The following ANKRD24 variants were observed in gnomAD, a reference collection of about 807,000 sequenced individuals.
ANKRD24 encodes ankyrin repeat domain 24, also known as ankyrin repeat domain-containing protein 24.
In ANKRD24, 109 loss-of-function variants were observed where a neutral mutation model predicts 127.8. That is an observed-to-expected ratio of 0.85 (90% CI 0.73 to 1.00). The LOEUF (loss-of-function observed/expected upper bound fraction) is 1.00, where lower values mean the gene tolerates loss of function less well. Ranked by LOEUF, ANKRD24 falls within the 50% of genes least tolerant of loss-of-function variation. The pLI is 0.00. For synonymous variants in ANKRD24, 743 were observed against 671.1 expected, an observed-to-expected ratio of 1.11 and a Z score of -1.66; for missense variants, 1,648 against 1,570.2, an observed-to-expected ratio of 1.05 and a Z score of -0.84.
Position 4,207,494 on chromosome 19 carries a change from C to G in ANKRD24, c.538-7C>G, listed in dbSNP as rs753000485. 6.2e-7 allele frequency: 1 copy of G among 1,613,442 alleles called. No homozygotes were observed. The highest frequency in any genetic ancestry group is 1.3e-5 in the African/African-American group (1 of 75,010). On this transcript the variant is annotated splice_polypyrimidine_tract_variant and splice_region_variant and intron_variant, in intron 8 of 21. Transcript: ENST00000318934. ...CATGCCATCGCATCCCTCCTCCTCC[C>G]TACCAGTCAGGCGCAACACCCCTCA...
At chr19:4,210,856 G>A (rs1245285974) in intron 13 of ANKRD24, among the ~76,000 whole-genome samples, 3 of 140,912 alleles carry the variant, frequency 2.1e-5, no homozygotes, top group Non-Finnish European at 4.5e-5. Context: ...TTTTTGAGAC[G>A]GAGTCTCGCT....
chr19:4,216,073 A>G, intron 16 of ANKRD24, 23 bp downstream of exon 16: 1 of 1,572,798 alleles, frequency 6.4e-7, no homozygotes, highest in Non-Finnish European at 8.6e-7. Context: ...CTCCCCACGC[A>G]CTCCCAGCCG....
chr19:4,194,051 T>C (rs1422439892), intron 2 of ANKRD24, among the ~76,000 whole-genome samples: 1 of 115,290 alleles, frequency 8.7e-6, no homozygotes, highest in Admixed American at 8.4e-5. Flanking sequence ...AGCCTTTGAC[T>C]GTCTACACTT....
Position 4,216,924 on chromosome 19 carries a change from A to G in ANKRD24, c.1764A>G (p.Gly588=). ...AGGCCACGGGAGCCGAGGCCACGGG[A>G]GCTGAGGCCACAGGAGCCAAGGTCA... is the stretch of plus-strand genomic sequence containing the variant. ...EAEATGAEAT[G]AEATGAKVTE... The change falls in exon 18 of 22, where the codon GGA becomes GGG. Residue 588 remains glycine (G), a synonymous_variant. Transcript: ENST00000318934. 6.2e-7 allele frequency: 1 copy of G among 1,610,066 alleles called. No homozygotes were observed. The highest frequency in any genetic ancestry group is 1.1e-5 in the South Asian group (1 of 90,536).
chr19:4,217,658 G>C lies in ANKRD24; in HGVS notation c.2498G>C (p.Arg833Pro). ...LLAEEEARGLRAELAQREEAR... is the reference protein window; with the variant it reads ...LLAEEEARGLPAELAQREEAR... ...GCGGAGGAGGAGGCGCGGGGCCTGCGGGCCGAGCTGGCCCAGCGGGAGGAG... is the reference window on the plus strand; with the variant it reads ...GCGGAGGAGGAGGCGCGGGGCCTGCCGGCCGAGCTGGCCCAGCGGGAGGAG... The change falls in exon 18 of 22, where the codon CGG becomes CCG. Residue 833 changes from arginine (R) to proline (P), a missense_variant. Coordinates refer to ENST00000318934, the MANE Select transcript of ANKRD24 (RefSeq NM_001393985.1). 4 of 1,283,746 alleles carry C rather than the reference G, an allele frequency of 3.1e-6. No homozygotes were observed. Among genetic ancestry groups the C allele is most frequent in the Non-Finnish European group, 3.9e-6 (4 of 1,018,888 alleles). The allele number at this position is 1,283,746 out of a possible 1,614,324, so 79.5% of individuals were successfully genotyped here. A position where few individuals can be genotyped will look rare whatever the true frequency, so the allele number is the denominator to read the frequency against.
At chr19:4,192,094 C>G (rs950259002) in intron 2 of ANKRD24, among the ~76,000 whole-genome samples, 1 of 150,138 alleles carries the variant, frequency 6.7e-6, no homozygotes, top group African/African-American at 2.4e-5. Flanking sequence ...CAACCAACAC[C>G]GTTTCTTTCT....
intron 20 of ANKRD24, among the ~76,000 whole-genome samples, chr19:4,223,834 G>A (rs1006969537): frequency 6.6e-6 from 1 of 152,014 alleles, no homozygotes; most frequent in Non-Finnish European, 1.5e-5. Context: ...AAAGTGCTGG[G>A]ATTACAGGTG....
Position 4,217,362 on chromosome 19 carries a change from G to A in ANKRD24, c.2202G>A (p.Glu734=). ...ELETRIRGLE[E]ALRQREREAA... is the part of the protein sequence containing the mutation. Reference sequence around the variant, plus strand: ...AGACCAGGATCCGTGGCTTGGAGGAGGCTCTCCGGCAGCGGGAGCGGGAGG... The same window carrying A: ...AGACCAGGATCCGTGGCTTGGAGGAAGCTCTCCGGCAGCGGGAGCGGGAGG... The change falls in exon 18 of 22, where the codon GAG becomes GAA. Residue 734 remains glutamate (E), a synonymous_variant. Coordinates refer to ENST00000318934, the MANE Select transcript of ANKRD24 (RefSeq NM_001393985.1). 3.9e-6 allele frequency: 6 copies of A among 1,551,220 alleles called. No homozygotes were observed. Among genetic ancestry groups the A allele is most frequent in the Non-Finnish European group, 5.2e-6 (6 of 1,147,012 alleles).
intron 2 of ANKRD24, among the ~76,000 whole-genome samples, chr19:4,193,050 C>T (rs567348654): frequency 6.6e-6 from 1 of 152,048 alleles, no homozygotes; most frequent in South Asian, 2.1e-4. Flanking sequence ...CCTGTAATCC[C>T]AGCACTTTGG....
At chr19:4,205,374 C>A (rs549991168) in intron 7 of ANKRD24, among the ~76,000 whole-genome samples, 9 of 152,342 alleles carry the variant, frequency 5.9e-5, no homozygotes, top group African/African-American at 2.2e-4. Context: ...GGTATTCAAA[C>A]AGAGTTTGTT....
At chr19:4,186,618 T>G (rs1324293344) in intron 2 of ANKRD24, among the ~76,000 whole-genome samples, 157 bp downstream of exon 2, 1 of 152,056 alleles carries the variant, frequency 6.6e-6, no homozygotes, top group Non-Finnish European at 1.5e-5. Context: ...CTGCTCCCCG[T>G]ACAAGCTTTC....
chr19:4,217,913 A>G lies in ANKRD24; in HGVS notation c.2753A>G (p.Glu918Gly). The G allele has an allele frequency of 1.3e-6, 2 of 1,487,720 alleles. No homozygotes were observed. The highest frequency in any genetic ancestry group is 1.8e-6 in the Non-Finnish European group (2 of 1,126,450). The allele number at this position is 1,487,720 out of a possible 1,614,324, so 92.2% of individuals were successfully genotyped here. The change falls in exon 18 of 22, where the codon GAG becomes GGG. Residue 918 changes from glutamate to glycine, a missense_variant. Coordinates refer to ENST00000318934, the MANE Select transcript of ANKRD24 (RefSeq NM_001393985.1). ...CGCCAGTCCGTGGTGCCGGCCTCTG[A>G]GCACCGCCGGCTGCAGGAGGAGGCC... Reference protein sequence around the residue: ...ALRQSVVPASEHRRLQEEALE... With the variant: ...ALRQSVVPASGHRRLQEEALE...
Position 4,198,198 on chromosome 19 carries a change from A to G in ANKRD24, c.37-1485A>G. ...GGGCCCCCGGCGCCGCGTCCTCCTC[A>G]TCCTCCAGGCGACAAGGTCAGGAGG... is the stretch of plus-strand genomic sequence containing the variant. On this transcript the variant is annotated intron_variant, in intron 2 of 21. Transcript: ENST00000318934. The surrounding 1 kb of genome is among the most constrained non-coding windows in gnomAD (Gnocchi z 6.1). The G allele has an allele frequency of 1.7e-6, 1 of 573,918 alleles. No homozygotes were observed. The highest frequency in any genetic ancestry group is 3.1e-6 in the Non-Finnish European group (1 of 324,156). The allele number at this position is 573,918 out of a possible 1,614,324, so 35.6% of individuals were successfully genotyped here.
At chr19:4,187,785 T>C (rs1437515305) in intron 2 of ANKRD24, among the ~76,000 whole-genome samples, 1 of 152,162 alleles carries the variant, frequency 6.6e-6, no homozygotes, top group African/African-American at 2.4e-5. Context: ...CCATCTGGTG[T>C]GGCCTGGAGA....
intron 20 of ANKRD24, 110 bp from the exon 21 acceptor site, chr19:4,224,017 C>A: frequency 1.3e-6 from 1 of 768,340 alleles, no homozygotes; most frequent in Non-Finnish European, 2.1e-6. Flanking sequence ...CATATTTTAG[C>A]AGTCGGCCAT....
At chr19:4,207,062 C>G (rs1969425639) in intron 7 of ANKRD24, 180 bp from the exon 8 acceptor site, 2 of 606,708 alleles carry the variant, frequency 3.3e-6, no homozygotes, top group Non-Finnish European at 5.8e-6. Flanking sequence ...CAGACACACA[C>G]CACCACACCC....
chr19:4,202,902 G>T lies in ANKRD24; in HGVS notation c.442G>T (p.Gly148Trp). 6.3e-7 allele frequency: 1 copy of T among 1,587,880 alleles called. No homozygotes were observed. Among genetic ancestry groups the T allele is most frequent in the Non-Finnish European group, 8.6e-7 (1 of 1,167,580 alleles). The change falls in exon 7 of 22, where the codon GGG (glycine) becomes TGG (tryptophan). Residue 148 changes from glycine (G) to tryptophan (W), a missense_variant. Gly to Trp is a radical substitution (Grantham distance 184). Coordinates refer to ENST00000318934, the MANE Select transcript of ANKRD24 (RefSeq NM_001393985.1). The part of the protein sequence containing the change: ...SCVVDVVDSS[G>W]WTALHHAAAG... ...CGTGGTGGACGTCGTGGACAGCAGC[G>T]GGTGGACTGCCCTACACCATGCAGG...
Position 4,195,178 on chromosome 19 carries a change from T to C in ANKRD24, c.37-4505T>C, listed in dbSNP as rs1465983479. Reference sequence around the variant, plus strand: ...AGCTCCGCCTCCCGGGTGCACGCCATTCTCCTGCCTCAGTCTCCCGAGTAG... The same window carrying C: ...AGCTCCGCCTCCCGGGTGCACGCCACTCTCCTGCCTCAGTCTCCCGAGTAG... On this transcript the variant is annotated intron_variant, in intron 2 of 21. Transcript: ENST00000318934. The surrounding 1 kb of genome is among the most constrained non-coding windows in gnomAD (Gnocchi z 4.2). Among the ~76,000 whole-genome samples, 13 of 152,104 alleles carry C rather than the reference T, an allele frequency of 8.5e-5. No homozygotes were observed. The highest frequency in any genetic ancestry group is 7.2e-4 in the Admixed American group (11 of 15,262).
chr19:4,188,381 T>C (rs1968187998), intron 2 of ANKRD24, among the ~76,000 whole-genome samples: 1 of 121,834 alleles, frequency 8.2e-6, no homozygotes, highest in African/African-American at 4.4e-5. Flanking sequence ...TTGGTCCATT[T>C]TTTTTTTTTT....
Sources: allele counts gnomAD v4.1 joint callset (sites outside exome capture counted in the v4.1 genomes callset), GRCh38; gene constraint gnomAD v4.1.1; non-coding constraint Gnocchi (gnomAD v3.1); transcripts MANE v1.5; gene names NCBI Gene and HGNC (gene_info 2026-07-23, HGNC 2026-07-21).